The following SEMA4F variants were observed in gnomAD, a reference collection of about 807,000 sequenced individuals.
The protein encoded by SEMA4F is ssemaphorin 4F, also known as semaphorin-4F.
A neutral mutation model predicts 78.4 loss-of-function variants in SEMA4F; 51 were observed. The observed-to-expected ratio is 0.65, with a 90% confidence interval of 0.52 to 0.82. The LOEUF is 0.82. SEMA4F is among the 40% of genes least tolerant of loss of function. The pLI is 0.00. For synonymous variants in SEMA4F, 418 were observed against 408.7 expected (o/e 1.02, Z -0.27); for missense variants, 938 against 1,014.4 (o/e 0.92, Z 1.02).
chr2:74,702,363 A>G, the SEMA4F span, among the ~76,000 whole-genome samples: 43,213 of 152,078 alleles, frequency 0.28, 9,095 homozygotes, highest in East Asian at 0.82. Flanking sequence ...CATGTTTATG[A>G]TACAGCTAAA....
chr2:74,662,913 C>T, intron 5 of SEMA4F, 88 bp downstream of exon 5: 1 of 1,142,330 alleles, frequency 8.8e-7, no homozygotes, highest in Non-Finnish European at 1.3e-6. Context: ...TTCTTTCTTA[C>T]CTTGGAATGT....
rs1282996604 is a variant in SEMA4F, at chr2:74,682,939, C to T, written c.*2730C>T. The T allele has an allele frequency of 6.6e-6, 1 of 152,296 alleles. No individual in the cohort carries two copies. The highest frequency in any genetic ancestry group is 1.5e-5 in the Non-Finnish European group (1 of 68,110). The allele number at this position is 152,296 out of a possible 1,614,324, so 9.4% of individuals were successfully genotyped here. On this transcript the variant is annotated 3_prime_UTR_variant, in exon 14 of 14. Transcript: ENST00000357877. The stretch of plus-strand genomic sequence containing the variant: ...AATCCTAAGTCTGCCTACCCTGCCT[C>T]AGTCATTCCTTCCAATGGAAACCAC...
At chr2:74,708,355 C>A in the SEMA4F span, among the ~76,000 whole-genome samples, 1 of 152,268 alleles carries the variant, frequency 6.6e-6, no homozygotes, top group South Asian at 2.1e-4. Context: ...TCCCCTCACT[C>A]AGCTGTGATG....
chr2:74,660,763 A>T (rs1684387263), intron 4 of SEMA4F, among the ~76,000 whole-genome samples: 1 of 152,222 alleles, frequency 6.6e-6, no homozygotes, highest in African/African-American at 2.4e-5. Flanking sequence ...GCTGCTGGGG[A>T]AAACTGAAAA....
In SEMA4F at chr2:74,673,595, G is replaced by T; in HGVS notation, c.670+19G>T. 1 of 1,613,962 alleles carries T rather than the reference G, an allele frequency of 6.2e-7. No homozygotes were observed. Among genetic ancestry groups the T allele is most frequent in the East Asian group, 2.2e-5 (1 of 44,872 alleles). On this transcript the variant is annotated intron_variant, in intron 6 of 13. Coordinates refer to ENST00000357877, the MANE Select transcript of SEMA4F (RefSeq NM_004263.5). ...CTGAACGGTGGGGAGAGGGAGAGGG[G>T]TCCTCTGGGGAGACCGATGGGGTGG...
intron 7 of SEMA4F, 130 bp downstream of exon 7, chr2:74,673,958 T>C: frequency 8.9e-7 from 1 of 1,117,444 alleles, no homozygotes; most frequent in Non-Finnish European, 1.3e-6. Flanking sequence ...TGACTTCTCT[T>C]CTGGGAGCTT....
At chr2:74,696,361 A>G in the SEMA4F span, among the ~76,000 whole-genome samples, 1 of 151,880 alleles carries the variant, frequency 6.6e-6, no homozygotes, top group Non-Finnish European at 1.5e-5. Flanking sequence ...ATGCCCAGCT[A>G]ATTTTTTTGC....
chr2:74,704,490 C>T, the SEMA4F span, among the ~76,000 whole-genome samples: 4 of 151,484 alleles, frequency 2.6e-5, no homozygotes, highest in Non-Finnish European at 5.9e-5. Context: ...CTTGTCTGTA[C>T]AATTGGCTAG....
Position 74,654,516 on chromosome 2 carries a change from T to A in SEMA4F, c.140T>A (p.Ile47Asn), listed in dbSNP as rs776064635. The change falls in exon 1 of 14, where the codon ATC becomes AAC. Residue 47 changes from isoleucine to asparagine, a missense_variant. By Grantham distance (149) the Ile-to-Asn change is moderately radical. Transcript: ENST00000357877. The stretch of plus-strand genomic sequence containing the variant: ...TCGGTGCCCAGAACCTCGCTTCCAA[T>A]CTCTGGTAAGGCGCGGACGCCCACG... The part of the protein sequence containing the change: ...PRSVPRTSLP[I>N]SEADSCLTRF... 3.2e-6 allele frequency: 5 copies of A among 1,555,890 alleles called. No homozygotes were observed. The highest frequency in any genetic ancestry group is 4.3e-6 in the Non-Finnish European group (5 of 1,152,968).
At chr2:74,700,436 C>T in the SEMA4F span, among the ~76,000 whole-genome samples, 1 of 152,102 alleles carries the variant, frequency 6.6e-6, no homozygotes, top group Non-Finnish European at 1.5e-5. Context: ...CTGCCCCCTA[C>T]CCCATCCATG....
At chr2:74,707,789 G>C in the SEMA4F span, among the ~76,000 whole-genome samples, 2 of 152,138 alleles carry the variant, frequency 1.3e-5, no homozygotes, top group African/African-American at 4.8e-5. Flanking sequence ...GCTCTGAGTT[G>C]AGGAAACAGA....
At chr2:74,659,891 A>C (rs1012206658) in intron 4 of SEMA4F, among the ~76,000 whole-genome samples, 7 of 152,228 alleles carry the variant, frequency 4.6e-5, no homozygotes, top group Admixed American at 3.3e-4. Context: ...AGGTTCTTAC[A>C]TAAAGGAAAT....
At chr2:74,695,192 G>A in the SEMA4F span, among the ~76,000 whole-genome samples, 1 of 152,172 alleles carries the variant, frequency 6.6e-6, no homozygotes, top group Non-Finnish European at 1.5e-5. Flanking sequence ...GTCCACAACA[G>A]CATCAGACAC....
the SEMA4F span, among the ~76,000 whole-genome samples, chr2:74,705,867 A>T: frequency 2.0e-5 from 3 of 152,224 alleles, no homozygotes; most frequent in African/African-American, 7.2e-5. Context: ...GGGCCTGGCC[A>T]TATTTGCACA....
In SEMA4F at chr2:74,683,294, A is replaced by G. The variant is rs769787255; in HGVS notation, c.*3085A>G. 2 of 152,144 alleles carry G rather than the reference A, an allele frequency of 1.3e-5. No individual in the cohort carries two copies. Among genetic ancestry groups the G allele is most frequent in the Non-Finnish European group, 2.9e-5 (2 of 68,050 alleles). 9.4% of individuals were successfully genotyped at this position (152,144 alleles called of 1,614,324 possible). ...AAGTAAGGGCCACTAATCACCTCAC[A>G]TGGGTTCATCTGAACTTTATGCCAG... On this transcript the variant is annotated 3_prime_UTR_variant, in exon 14 of 14. Transcript: ENST00000357877.
chr2:74,673,819 T>C lies in SEMA4F; in HGVS notation c.813T>C (p.Arg271=). 6.2e-7 allele frequency: 1 copy of C among 1,613,476 alleles called. No individual in the cohort carries two copies. ...GCATTAAAGTCCCACGGGTGGCCCG[T>C]GTGTGTGCGGTGAGACCCCATCCCA... ...YERIKVPRVA[R]VCAGDLGGRK... is the part of the protein sequence containing the mutation. Residue 271 remains arginine (R), a synonymous_variant, in exon 7 of 14, where the codon CGT becomes CGC. Transcript: ENST00000357877.
At chr2:74,657,500 C>T (rs1684216221) in intron 2 of SEMA4F, 65 bp from the exon 3 acceptor site, 2 of 1,495,570 alleles carry the variant, frequency 1.3e-6, no homozygotes, top group South Asian at 1.1e-5. Context: ...GTTTAATCTC[C>T]TCTAACATCG....
chr2:74,693,203 A>G, the SEMA4F span, among the ~76,000 whole-genome samples: 1 of 152,246 alleles, frequency 6.6e-6, no homozygotes, highest in Non-Finnish European at 1.5e-5. Flanking sequence ...GTTATTCTAT[A>G]TCATCATCCT....
At position 74,673,536 on chromosome 2, in the gene SEMA4F, G is replaced by C. The variant is rs1458267751; in HGVS notation, c.630G>C (p.Glu210Asp). 3 of 1,614,038 alleles carry C rather than the reference G, an allele frequency of 1.9e-6. No individual in the cohort carries two copies. The highest frequency in any genetic ancestry group is 2.5e-6 in the Non-Finnish European group (3 of 1,180,038). ...TCACCAGAGCAGTGGGTCGTGCCGA[G>C]GACTGGATTCGGACAGATACCTTGC... ...PIITRAVGRA[E>D]DWIRTDTLPS... The change falls in exon 6 of 14, where the codon GAG (glutamate) becomes GAC (aspartate). Residue 210 changes from glutamate (E) to aspartate (D), a missense_variant. Glu to Asp is a conservative substitution (Grantham distance 45). Transcript: ENST00000357877.
Sources: allele counts gnomAD v4.1 joint callset (sites outside exome capture counted in the v4.1 genomes callset), GRCh38; gene constraint gnomAD v4.1.1; transcripts MANE v1.5; gene names NCBI Gene and HGNC (gene_info 2026-07-23, HGNC 2026-07-21).